FAT3: variants seen among roughly 807,000 people sequenced by gnomAD.
The protein encoded by FAT3 is protocadherin Fat 3.
Under a neutral mutation model 310.2 loss-of-function variants are expected in FAT3, and 95 were observed. That is an observed-to-expected ratio of 0.31 (90% CI 0.26 to 0.36). The LOEUF is 0.36. Ranked by LOEUF, FAT3 falls within the 10% of genes least tolerant of loss-of-function variation. FAT3 has a pLI of 1.00. For synonymous variants in FAT3, 2,314 were observed against 2,192.9 expected (o/e 1.06, Z -1.54); for missense variants, 5,408 against 5,715.6 (o/e 0.95, Z 1.74).
At chr11:92,699,651 G>A (rs1244453248) in intron 4 of FAT3, among the ~76,000 whole-genome samples, 2 of 152,170 alleles carry the variant, frequency 1.3e-5, no homozygotes, top group East Asian at 1.9e-4. Context: ...AGAAGTTTCA[G>A]ATTTTTGAGC....
rs142308325 is a variant in FAT3, at chr11:92,863,344, G to A, written c.11659-3397G>A. On this transcript the variant is annotated intron_variant, in intron 21 of 27. Transcript: ENST00000525166. ...TATTATGCATTTGCTATAACCACATGCCAAGAATCTGAAGCAGTAAGACTT... is the reference window on the plus strand; with the variant it reads ...TATTATGCATTTGCTATAACCACATACCAAGAATCTGAAGCAGTAAGACTT... Among the ~76,000 whole-genome samples the A allele has an allele frequency of 6.7e-4, 102 of 152,212 alleles. 1 individual carries two copies. Among genetic ancestry groups the A allele is most frequent in the African/African-American group, 2.2e-3 (93 of 41,522 alleles).
chr11:92,517,941 G>A (rs1465943038), intron 2 of FAT3, among the ~76,000 whole-genome samples: 1 of 152,120 alleles, frequency 6.6e-6, no homozygotes, highest in Non-Finnish European at 1.5e-5. Flanking sequence ...ACACCAGTTA[G>A]AATGACAATC....
intron 1 of FAT3, among the ~76,000 whole-genome samples, chr11:92,235,127 A>G (rs1170911314): frequency 6.6e-6 from 1 of 151,038 alleles, no homozygotes; most frequent in Non-Finnish European, 1.5e-5. Flanking sequence ...ACCCAGAATC[A>G]TACCTCTGAC....
intron 3 of FAT3, among the ~76,000 whole-genome samples, chr11:92,659,987 G>C (rs1269422831): frequency 6.6e-6 from 1 of 152,166 alleles, no homozygotes; most frequent in East Asian, 1.9e-4. Flanking sequence ...TTTTCGCTTA[G>C]CCAAATGTTG....
At chr11:92,468,552 G>A (rs1157995175) in intron 2 of FAT3, among the ~76,000 whole-genome samples, 1 of 152,124 alleles carries the variant, frequency 6.6e-6, no homozygotes, top group African/African-American at 2.4e-5. Context: ...TTTGGAGGGT[G>A]TATTAGTCCA....
chr11:92,273,351 C>G (rs748641340), intron 1 of FAT3, among the ~76,000 whole-genome samples: 1 of 152,112 alleles, frequency 6.6e-6, no homozygotes, highest in Non-Finnish European at 1.5e-5. Context: ...TCTCCCTCCT[C>G]CCTCCTATCC....
Position 92,303,704 on chromosome 11 carries a change from T to C in FAT3, c.-17-48392T>C, listed in dbSNP as rs551852393. On this transcript the variant is annotated intron_variant, in intron 1 of 27. Coordinates refer to ENST00000525166, the MANE Select transcript of FAT3 (RefSeq NM_001367949.2). ...GCACAGCTTAGGTGCTGAACTATCT[T>C]TTAAATTTTTTCCTTTGTGAAATGT... Among the ~76,000 whole-genome samples the C allele has an allele frequency of 8.5e-5, 13 of 152,300 alleles. No homozygotes were observed. In the East Asian group the frequency reaches 2.5e-3, roughly 30 times the overall value.
intron 2 of FAT3, among the ~76,000 whole-genome samples, chr11:92,394,613 A>G (rs1457227527): frequency 6.6e-6 from 1 of 151,990 alleles, no homozygotes; most frequent in African/African-American, 2.4e-5. Flanking sequence ...TCCTTGATCT[A>G]TTGGTATCTC....
intron 3 of FAT3, chr11:92,559,439 C>T: frequency 3.6e-6 from 1 of 275,708 alleles, no homozygotes; most frequent in Non-Finnish European, 7.2e-6. Context: ...GGCTGGAATG[C>T]AGTGGCATGA....
chr11:92,289,978 A>G (rs1452193318), intron 1 of FAT3, among the ~76,000 whole-genome samples: 3 of 152,076 alleles, frequency 2.0e-5, no homozygotes, highest in African/African-American at 7.2e-5. Context: ...ATTTTTTACC[A>G]TTCTCTACTC....
chr11:92,460,988 G>T (rs1951625115), intron 2 of FAT3, among the ~76,000 whole-genome samples: 1 of 152,154 alleles, frequency 6.6e-6, no homozygotes, highest in Admixed American at 6.5e-5. Flanking sequence ...AGGAAAATGT[G>T]TGAAGGGCCA....
rs1946334328 is a variant in FAT3 at position 92,278,444 on chromosome 11, GCTGGGCCT to G, written c.-18+53273_-18+53280del. Among the ~76,000 whole-genome samples, 3 of 151,978 alleles carry G rather than the reference GCTGGGCCT, an allele frequency of 2.0e-5. No homozygotes were observed. The South Asian group carries it at 6.2e-4, about 32-fold the overall frequency. On this transcript the variant is annotated intron_variant, in intron 1 of 27. Transcript: ENST00000525166. ...TGGATGTTCTATACCTTTGAGTTTT[GCTGGGCCT>G]CTTTGGGTTTCCTAAGTGCAATTTT...
At chr11:92,732,163 A>G (rs1487016028) in intron 4 of FAT3, among the ~76,000 whole-genome samples, 17 of 152,232 alleles carry the variant, frequency 1.1e-4, no homozygotes, top group Non-Finnish European at 1.5e-5. Context: ...TACTGTTAGC[A>G]TTGTCAGAAA....
intron 3 of FAT3, among the ~76,000 whole-genome samples, chr11:92,561,846 G>T (rs990267770): frequency 2.1e-4 from 32 of 151,926 alleles, no homozygotes; most frequent in African/African-American, 6.8e-4. Flanking sequence ...CGCTGATCTC[G>T]AACACCTGGC....
At chr11:92,871,662 C>T (rs1392375531) in intron 22 of FAT3, among the ~76,000 whole-genome samples, 1 of 152,124 alleles carries the variant, frequency 6.6e-6, no homozygotes, top group East Asian at 1.9e-4. Context: ...GAACTTTCTG[C>T]TAGGTCACTG....
Position 92,705,280 on chromosome 11 carries a change from A to G in FAT3, c.3669+7835A>G, listed in dbSNP as rs370413691. Among the ~76,000 whole-genome samples, 10 of 150,454 alleles carry G rather than the reference A, an allele frequency of 6.6e-5. No individual in the cohort carries two copies. In the East Asian group the frequency reaches 1.6e-3, roughly 24 times the overall value. On this transcript the variant is annotated intron_variant, in intron 4 of 27. Coordinates refer to ENST00000525166, the MANE Select transcript of FAT3 (RefSeq NM_001367949.2). Reference sequence around the variant, plus strand: ...GGCCATTGACATTCCAAGTCTAGCTAAACAAGGAGTGGTGATGGTGGTGGT... The same window carrying G: ...GGCCATTGACATTCCAAGTCTAGCTGAACAAGGAGTGGTGATGGTGGTGGT...
chr11:92,813,447 T>C (rs1947735480), intron 13 of FAT3, among the ~76,000 whole-genome samples: 1 of 152,122 alleles, frequency 6.6e-6, no homozygotes, highest in African/African-American at 2.4e-5. Context: ...TTATTCAAAT[T>C]TCAGGGTGTT....
intron 3 of FAT3, among the ~76,000 whole-genome samples, chr11:92,575,733 C>G (rs1379836150): frequency 1.3e-5 from 2 of 152,110 alleles, no homozygotes; most frequent in Non-Finnish European, 2.9e-5. Flanking sequence ...TTTCCTTCTT[C>G]CCCTCCCTCT....
intron 1 of FAT3, among the ~76,000 whole-genome samples, chr11:92,339,255 C>T (rs1037788591): frequency 6.6e-6 from 1 of 152,162 alleles, no homozygotes; most frequent in African/African-American, 2.4e-5. Context: ...CAGCATCATT[C>T]TCATTGTGAT....
Sources: gnomAD v4.1 joint callset for allele counts (sites outside exome capture counted in the v4.1 genomes callset) on GRCh38, gnomAD v4.1.1 for gene constraint, MANE v1.5 for transcripts, NCBI Gene and HGNC (gene_info 2026-07-23, HGNC 2026-07-21) for gene names.